The following DRAM1 variants were observed in gnomAD, a reference collection of about 807,000 sequenced individuals.
DRAM1 encodes DNA damage regulated autophagy modulator 1.
DRAM1 carries 25 observed loss-of-function variants against 28.5 expected under a neutral mutation model. The ratio of observed to expected loss-of-function variants is 0.88; its 90% CI spans 0.64 to 1.23. The LOEUF (loss-of-function observed/expected upper bound fraction) is 1.23, where lower values mean the gene tolerates loss of function less well. Among genes scored for constraint, DRAM1 ranks in the 50% most tolerant of loss-of-function variants. The pLI is 0.00. For synonymous variants in DRAM1, 113 were observed against 114.2 expected, an observed-to-expected ratio of 0.99 and a Z score of 0.07; for missense variants, 249 against 299.2, an observed-to-expected ratio of 0.83 and a Z score of 1.24.
chr12:101,904,761 TTC>T (rs142180418), intron 3 of DRAM1, among the ~76,000 whole-genome samples: 2 of 151,702 alleles, frequency 1.3e-5, no homozygotes, highest in Non-Finnish European at 1.5e-5. Context: ...TATTAAACTA[TTC>T]TCTCTCTCTC....
chr12:101,906,725 C>A (rs1327853101), intron 3 of DRAM1, among the ~76,000 whole-genome samples: 2 of 151,864 alleles, frequency 1.3e-5, no homozygotes, highest in Non-Finnish European at 2.9e-5. Flanking sequence ...CGTGGTGGTG[C>A]ATGCCTGTAA....
At chr12:101,919,079 A>ATG (rs1874369370) in intron 5 of DRAM1, among the ~76,000 whole-genome samples, 1 of 151,086 alleles carries the variant, frequency 6.6e-6, no homozygotes, top group Admixed American at 6.6e-5. Context: ...AGGCCACCCC[A>ATG]CCCAGCTAAT....
At chr12:101,894,142 G>C (rs1487273463) in intron 1 of DRAM1, among the ~76,000 whole-genome samples, 1 of 151,822 alleles carries the variant, frequency 6.6e-6, no homozygotes, top group Non-Finnish European at 1.5e-5. Flanking sequence ...TTTTGAGACA[G>C]AGTCTCATGC....
Position 101,893,475 on chromosome 12 carries a change from C to T in DRAM1, c.132-4388C>T, listed in dbSNP as rs556431606. Among the ~76,000 whole-genome samples, 32 of 152,286 alleles carry T rather than the reference C, an allele frequency of 2.1e-4. No homozygotes were observed. In the South Asian group the frequency reaches 6.6e-3, roughly 32 times the overall value. On this transcript the variant is annotated intron_variant, in intron 1 of 6. Coordinates refer to ENST00000258534, the MANE Select transcript of DRAM1 (RefSeq NM_018370.3). ...CCAGCATCTATATTAGTGTTTGCTC[C>T]CCGCCCCCAATCATTCTCCTAATGG...
rs545528673 is a variant in DRAM1 at position 101,917,719 on chromosome 12, T to C, written c.580-2390T>C. ...CAAAAAAAAAAAAAAAAGCCTTCTT[T>C]AAAATCTAACCTTAAAATGGTCAAA... On this transcript the variant is annotated intron_variant, in intron 5 of 6. Transcript: ENST00000258534. Among the ~76,000 whole-genome samples, 4 of 150,934 alleles carry C rather than the reference T, an allele frequency of 2.7e-5. No homozygotes were observed. In the South Asian group the frequency reaches 8.3e-4, roughly 31 times the overall value.
intron 1 of DRAM1, among the ~76,000 whole-genome samples, chr12:101,880,568 C>T (rs1488943499): frequency 2.0e-5 from 3 of 152,024 alleles, no homozygotes; most frequent in Non-Finnish European, 2.9e-5. Context: ...GGATTACAGG[C>T]GTGAGCCACC....
At chr12:101,890,002 A>G (rs960763551) in intron 1 of DRAM1, 41 of 450,074 alleles carry the variant, frequency 9.1e-5, no homozygotes, top group Non-Finnish European at 8.9e-5. Context: ...GTGAAGATCA[A>G]GTAAGATGTG....
intron 1 of DRAM1, among the ~76,000 whole-genome samples, chr12:101,888,595 G>A (rs1485822143): frequency 6.6e-6 from 1 of 152,058 alleles, no homozygotes; most frequent in Non-Finnish European, 1.5e-5. Context: ...TTCAGCCTGA[G>A]TCTACTGTAA....
intron 1 of DRAM1, among the ~76,000 whole-genome samples, chr12:101,895,778 G>A (rs1431148975): frequency 6.6e-6 from 1 of 151,680 alleles, no homozygotes; most frequent in African/African-American, 2.4e-5. Flanking sequence ...CACCATGTTG[G>A]CCAGGCTGGT....
chr12:101,905,783 T>G (rs888099002), intron 3 of DRAM1, among the ~76,000 whole-genome samples: 3 of 149,138 alleles, frequency 2.0e-5, no homozygotes, highest in Non-Finnish European at 4.4e-5. Context: ...ATTTATTTAT[T>G]TATGTATTTA....
At chr12:101,879,573 G>T (rs949086356) in intron 1 of DRAM1, among the ~76,000 whole-genome samples, 19 of 144,656 alleles carry the variant, frequency 1.3e-4, no homozygotes, top group African/African-American at 4.2e-4. Context: ...GAGCCACCAC[G>T]CCTGGCCCTC....
chr12:101,884,428 A>G (rs1872808607), intron 1 of DRAM1, among the ~76,000 whole-genome samples: 1 of 152,050 alleles, frequency 6.6e-6, no homozygotes, highest in African/African-American at 2.4e-5. Context: ...CTCAAGCCAA[A>G]TCATGCTTAA....
intron 5 of DRAM1, among the ~76,000 whole-genome samples, chr12:101,919,135 G>A (rs1001060331): frequency 5.9e-5 from 9 of 151,814 alleles, no homozygotes; most frequent in Non-Finnish European, 1.0e-4. Flanking sequence ...CAAACTCCTG[G>A]GCTCAAGTGA....
Position 101,906,208 on chromosome 12 carries a change from A to G in DRAM1, c.343-1978A>G, listed in dbSNP as rs78946528. 9.8e-3 allele frequency among the ~76,000 whole-genome samples: 1,488 copies of G among 152,344 alleles called. 28 individuals are homozygous for G. The highest frequency in any genetic ancestry group is 0.034 in the African/African-American group (1,409 of 41,570). On this transcript the variant is annotated intron_variant, in intron 3 of 6. Transcript: ENST00000258534. ...TCCCCTTATTTCTAGGTTTGATACT[A>G]GGAAATACATTTCCTTAGAAATAAG...
At chr12:101,900,863 C>G (rs539285183) in intron 2 of DRAM1, among the ~76,000 whole-genome samples, 6 of 152,002 alleles carry the variant, frequency 3.9e-5, no homozygotes, top group Admixed American at 6.6e-5. Context: ...GCAGGAAAAA[C>G]ATGGAAACAA....
intron 4 of DRAM1, among the ~76,000 whole-genome samples, chr12:101,913,298 A>G (rs1194632514): frequency 6.6e-6 from 1 of 152,062 alleles, no homozygotes; most frequent in Non-Finnish European, 1.5e-5. Context: ...ATACCCAATT[A>G]CCCAACAGAA....
At position 101,890,554 on chromosome 12, in the gene DRAM1, A is replaced by G. The variant is rs146770461; in HGVS notation, c.132-7309A>G. ...TTCCTTACGGTCTCCCTGGTCCACAATTGCCTCTCTACAGTCTTTTCAAAA... is the reference window on the plus strand; with the variant it reads ...TTCCTTACGGTCTCCCTGGTCCACAGTTGCCTCTCTACAGTCTTTTCAAAA... On this transcript the variant is annotated intron_variant, in intron 1 of 6. Coordinates refer to ENST00000258534, the MANE Select transcript of DRAM1 (RefSeq NM_018370.3). Among the ~76,000 whole-genome samples, 174 of 152,370 alleles carry G rather than the reference A, an allele frequency of 1.1e-3. 1 individual carries two copies. Among genetic ancestry groups the G allele is most frequent in the African/African-American group, 4.0e-3 (167 of 41,602 alleles).
At chr12:101,896,234 A>C (rs530691741) in intron 1 of DRAM1, among the ~76,000 whole-genome samples, 1 of 152,342 alleles carries the variant, frequency 6.6e-6, no homozygotes, top group East Asian at 1.9e-4. Flanking sequence ...TGTTCGCAAA[A>C]CTTAAAAAAT....
chr12:101,889,891 G>T (rs1210518668), intron 1 of DRAM1, among the ~76,000 whole-genome samples: 1 of 135,630 alleles, frequency 7.4e-6, no homozygotes, highest in Non-Finnish European at 1.5e-5. Flanking sequence ...AGTGAGCCGA[G>T]ATCGTGCCAC....
Sources: allele counts gnomAD v4.1 joint callset (sites outside exome capture counted in the v4.1 genomes callset), GRCh38; gene constraint gnomAD v4.1.1; transcripts MANE v1.5; gene names NCBI Gene and HGNC (gene_info 2026-07-23, HGNC 2026-07-21).